GAB3: variants seen among roughly 807,000 people sequenced by gnomAD.
GAB3 encodes the protein GRB2-associated-binding protein 3.
Under a neutral mutation model 40.4 loss-of-function variants are expected in GAB3, and 12 were observed. The observed-to-expected ratio is 0.30, with a 90% CI of 0.19 to 0.48. The LOEUF (loss-of-function observed/expected upper bound fraction) is 0.48, where lower values mean the gene tolerates loss of function less well. GAB3 is among the 20% of genes least tolerant of loss of function. GAB3 has a pLI of 0.99. For missense variants in GAB3, 381 were observed against 461.9 expected, an observed-to-expected ratio of 0.82 and a Z score of 1.61; for synonymous variants, 154 against 176.7, an observed-to-expected ratio of 0.87 and a Z score of 1.02.
chrX:154,711,431 A>G (rs1335759084), intron 4 of GAB3, among the ~76,000 whole-genome samples: 1 of 111,734 alleles, frequency 8.9e-6, no homozygotes, highest in African/African-American at 3.3e-5. Flanking sequence ...ACCACAATGA[A>G]TGGGCTTGAA....
intron 4 of GAB3, among the ~76,000 whole-genome samples, chrX:154,706,275 G>A (rs1207571611): frequency 9.1e-6 from 1 of 109,684 alleles, no homozygotes; most frequent in Non-Finnish European, 1.9e-5. Flanking sequence ...AATTAGCTGG[G>A]CATGGTGGGG....
intron 1 of GAB3, among the ~76,000 whole-genome samples, chrX:154,744,953 G>A (rs868974995): frequency 3.6e-5 from 4 of 112,123 alleles, no homozygotes; most frequent in Non-Finnish European, 7.5e-5. Context: ...GAAATCTCAG[G>A]GGAAAATTAA....
At chrX:154,709,363 C>G (rs1235590521) in intron 4 of GAB3, among the ~76,000 whole-genome samples, 1 of 106,441 alleles carries the variant, frequency 9.4e-6, no homozygotes, top group Admixed American at 1.0e-4. Context: ...CTCTGTCGCC[C>G]AGACTGGAGT....
At chrX:154,707,153 C>G (rs1291885776) in intron 4 of GAB3, among the ~76,000 whole-genome samples, 1 of 111,219 alleles carries the variant, frequency 9.0e-6, no homozygotes, top group South Asian at 3.7e-4. Context: ...ACAGGACAAT[C>G]TCCCTCATGA....
rs782448748 is a variant in GAB3, at chrX:154,749,368, A to ATACAGAT, written c.72+1585_72+1586insATCTGTA. The stretch of plus-strand genomic sequence containing the variant: ...TATCATCTACTGAAATTGTATAGTG[A>ATACAGAT]ACCTTTAAAATGTCTGTCATTCCAA... On this transcript the variant is annotated intron_variant, in intron 1 of 9. Transcript: ENST00000424127. Among the ~76,000 whole-genome samples, 7 of 112,964 alleles carry ATACAGAT rather than the reference A, an allele frequency of 6.2e-5. No homozygotes were observed. In the East Asian group the frequency reaches 1.9e-3, roughly 31 times the overall value.
chrX:154,687,402 C>A (rs1350716391), intron 8 of GAB3, among the ~76,000 whole-genome samples: 1 of 109,604 alleles, frequency 9.1e-6, no homozygotes, highest in African/African-American at 3.3e-5. Context: ...GAGGCTGAGG[C>A]GGGCGGATCA....
chrX:154,699,893 G>T, intron 5 of GAB3, 111 bp downstream of exon 5: 1 of 650,088 alleles, frequency 1.5e-6, no homozygotes, highest in South Asian at 2.5e-5. Flanking sequence ...GAGACTGGAA[G>T]ATTCCTCAGA....
At chrX:154,699,142 C>T in intron 6 of GAB3, 152 bp downstream of exon 6, 2 of 492,100 alleles carry the variant, frequency 4.1e-6, no homozygotes, top group South Asian at 6.2e-5. Context: ...CCCAGCCCTT[C>T]CTATTCCAAC....
chrX:154,745,622 T>C (rs1275440857), intron 1 of GAB3, among the ~76,000 whole-genome samples: 4 of 111,700 alleles, frequency 3.6e-5, no homozygotes, highest in Non-Finnish European at 5.7e-5. Context: ...ATTTAAAGGA[T>C]AATAAGGGAA....
chrX:154,699,172 C>T, intron 6 of GAB3, 122 bp downstream of exon 6: 7 of 564,933 alleles, frequency 1.2e-5, no homozygotes, highest in South Asian at 2.8e-5. Flanking sequence ...TCTTTCCTGA[C>T]CTTACACTTT....
intron 9 of GAB3, among the ~76,000 whole-genome samples, chrX:154,678,644 G>A (rs1557246143): frequency 8.9e-6 from 1 of 112,157 alleles, no homozygotes; most frequent in African/African-American, 3.2e-5. Flanking sequence ...ATGTGCCCTG[G>A]GAAGGACCTG....
At chrX:154,680,052 A>C in intron 9 of GAB3, 80 bp downstream of exon 9, 3 of 650,597 alleles carry the variant, frequency 4.6e-6, no homozygotes, top group Non-Finnish European at 5.0e-6. Context: ...TCTAAGGAGA[A>C]TATGCATGGT....
At chrX:154,744,758 T>A (rs1319952009) in intron 1 of GAB3, among the ~76,000 whole-genome samples, 3 of 112,517 alleles carry the variant, frequency 2.7e-5, no homozygotes, top group African/African-American at 9.7e-5. Context: ...AGTGCTTATG[T>A]ACATGAAGTG....
Position 154,693,965 on chromosome X carries a change from A to G in GAB3, c.1530+1952T>C, listed in dbSNP as rs189524537. On this transcript the variant is annotated intron_variant, in intron 8 of 9. Transcript: ENST00000424127. Reference sequence around the variant, plus strand: ...GGATATATGGCAAAACTTGTATTTCAGTAAAGCAAAACCGTGTTTCAGCCC... The same window carrying G: ...GGATATATGGCAAAACTTGTATTTCGGTAAAGCAAAACCGTGTTTCAGCCC... Among the ~76,000 whole-genome samples, 13 of 111,545 alleles carry G rather than the reference A, an allele frequency of 1.2e-4. No homozygotes were observed. The South Asian group carries it at 4.9e-3, about 42-fold the overall frequency.
chrX:154,734,195 C>G (rs1296113789), intron 1 of GAB3, among the ~76,000 whole-genome samples: 3 of 112,687 alleles, frequency 2.7e-5, no homozygotes, highest in Non-Finnish European at 3.8e-5. Flanking sequence ...GAACTGGAAG[C>G]CTCTAACAGG....
chrX:154,743,673 C>T lies in GAB3; in HGVS notation c.72+7281G>A, dbSNP rs1427658359. Among the ~76,000 whole-genome samples the T allele has an allele frequency of 3.6e-5, 4 of 110,249 alleles. No homozygotes were observed. The Admixed American group carries it at 3.9e-4, about 11-fold the overall frequency. ...AATATTATTTAAAGGAAGTCTGCAA[C>T]TAATTAAAGATGTATAATTTACACT... On this transcript the variant is annotated intron_variant, in intron 1 of 9. Coordinates refer to ENST00000424127, the MANE Select transcript of GAB3 (RefSeq NM_001081573.3).
chrX:154,735,705 C>G (rs1163550992), intron 1 of GAB3, among the ~76,000 whole-genome samples: 1 of 112,365 alleles, frequency 8.9e-6, no homozygotes, highest in Non-Finnish European at 1.9e-5. Context: ...TTGCAGGCAG[C>G]TGCCAGAGTG....
intron 1 of GAB3, among the ~76,000 whole-genome samples, chrX:154,741,317 A>G (rs1241359563): frequency 1.8e-5 from 2 of 111,722 alleles, no homozygotes; most frequent in Non-Finnish European, 3.8e-5. Context: ...ACAGACTAAT[A>G]TATGTGGTGT....
intron 1 of GAB3, among the ~76,000 whole-genome samples, chrX:154,730,601 A>G (rs2148478163): frequency 8.9e-6 from 1 of 112,212 alleles, no homozygotes; most frequent in Admixed American, 9.4e-5. Flanking sequence ...TGTGTTGCAA[A>G]AGGTAAGCAT....
Sources: allele counts gnomAD v4.1 joint callset (sites outside exome capture counted in the v4.1 genomes callset), GRCh38; gene constraint gnomAD v4.1.1; transcripts MANE v1.5; gene names NCBI Gene and HGNC (gene_info 2026-07-23, HGNC 2026-07-21).